The following B3GLCT variants were observed in gnomAD, a reference collection of about 807,000 sequenced individuals.
B3GLCT encodes the protein beta 3-glucosyltransferase.
Under a neutral mutation model 63.4 loss-of-function variants are expected in B3GLCT, and 65 were observed. That is an observed-to-expected ratio of 1.03 (90% CI 0.84 to 1.26). B3GLCT has a LOEUF of 1.26. B3GLCT is among the 50% of genes most tolerant of loss of function. The probability of loss-of-function intolerance (pLI) is 0.00; values close to 1 mark genes in which losing one functional copy is unlikely to be tolerated. For synonymous variants in B3GLCT, 233 were observed against 219.2 expected (o/e 1.06, Z -0.55); for missense variants, 577 against 604.8 (o/e 0.95, Z 0.48).
chr13:31,252,724 T>C (rs890332456), intron 6 of B3GLCT, among the ~76,000 whole-genome samples: 2 of 142,266 alleles, frequency 1.4e-5, no homozygotes, highest in Admixed American at 6.9e-5. Flanking sequence ...AGCAAGCTCT[T>C]AGAGACCTAC....
intron 1 of B3GLCT, among the ~76,000 whole-genome samples, chr13:31,213,018 T>TTGTG (rs547776947): frequency 3.1e-4 from 43 of 140,728 alleles, no homozygotes; most frequent in African/African-American, 1.0e-3. Flanking sequence ...TGATTGGGCT[T>TTGTG]TGTGTGTGTG....
At chr13:31,301,719 G>C (rs1238301483) in intron 12 of B3GLCT, among the ~76,000 whole-genome samples, 2 of 152,126 alleles carry the variant, frequency 1.3e-5, no homozygotes, top group African/African-American at 4.8e-5. Context: ...TTATAGATGG[G>C]GTTTCTCATT....
At chr13:31,256,473 A>G (rs1006171740) in intron 6 of B3GLCT, among the ~76,000 whole-genome samples, 4 of 152,216 alleles carry the variant, frequency 2.6e-5, no homozygotes, top group African/African-American at 7.2e-5. Flanking sequence ...ACATGCACAC[A>G]TATGTTTATT....
At chr13:31,253,655 A>G (rs186096304) in intron 6 of B3GLCT, among the ~76,000 whole-genome samples, 147 of 150,264 alleles carry the variant, frequency 9.8e-4, no homozygotes, top group Non-Finnish European at 1.8e-3. Flanking sequence ...TTCAAAAGCT[A>G]ACAGAAGGCA....
chr13:31,243,989 G>C (rs752130094), intron 4 of B3GLCT, among the ~76,000 whole-genome samples: 1 of 151,984 alleles, frequency 6.6e-6, no homozygotes, highest in Non-Finnish European at 1.5e-5. Context: ...TCTCATTATC[G>C]AGAGAATTTT....
At chr13:31,265,327 C>G (rs1403211549) in intron 7 of B3GLCT, among the ~76,000 whole-genome samples, 1 of 152,082 alleles carries the variant, frequency 6.6e-6, no homozygotes, top group African/African-American at 2.4e-5. Context: ...TTAATCAAAA[C>G]CAGAATTTGT....
At chr13:31,220,286 T>C (rs1343343351) in intron 2 of B3GLCT, among the ~76,000 whole-genome samples, 1 of 152,244 alleles carries the variant, frequency 6.6e-6, no homozygotes, top group East Asian at 1.9e-4. Context: ...GCAAGTGTTG[T>C]TCAAATCTTT....
intron 6 of B3GLCT, among the ~76,000 whole-genome samples, chr13:31,249,070 C>T (rs1166768053): frequency 6.6e-6 from 1 of 152,132 alleles, no homozygotes; most frequent in Non-Finnish European, 1.5e-5. Context: ...TTCGAATGCT[C>T]GCTCCTGAGA....
chr13:31,269,800 T>C (rs1160729303), intron 8 of B3GLCT, among the ~76,000 whole-genome samples: 2 of 152,184 alleles, frequency 1.3e-5, no homozygotes, highest in Non-Finnish European at 2.9e-5. Flanking sequence ...CTTTCTGCCA[T>C]GTGAGGATAC....
rs1060709 is a variant in B3GLCT, at chr13:31,329,697, G to T, written c.*29G>T. ...AGGGTGACCTGTGCGCCTAGCCTGC[G>T]CAGGGAATGAACTGGAGACTGTGGC... On this transcript the variant is annotated 3_prime_UTR_variant, in exon 15 of 15. Transcript: ENST00000343307. The T allele has an allele frequency of 0.69, 1,110,354 of 1,611,320 alleles. 394,469 individuals carry two copies. The highest frequency in any genetic ancestry group is 0.74 in the Non-Finnish European group (870,097 of 1,178,288).
At chr13:31,286,699 T>G (rs761243222) in intron 11 of B3GLCT, 21 bp from the exon 12 acceptor site, 2 of 1,483,692 alleles carry the variant, frequency 1.3e-6, no homozygotes, top group East Asian at 4.5e-5. Context: ...ACATTGTAAG[T>G]TTTTTTCTTG....
chr13:31,301,357 G>A (rs1184226787), intron 12 of B3GLCT, among the ~76,000 whole-genome samples: 2 of 152,144 alleles, frequency 1.3e-5, no homozygotes, highest in East Asian at 1.9e-4. Context: ...GTCTTAACTG[G>A]TTCCAATTTT....
In B3GLCT at chr13:31,284,755, G is replaced by A. The variant is rs1374646796; in HGVS notation, c.958G>A (p.Asp320Asn). 6 of 1,492,144 alleles carry A rather than the reference G, an allele frequency of 4.0e-6. No individual in the cohort carries two copies. In the African/African-American group the frequency reaches 8.3e-5, roughly 21 times the overall value. The allele number at this position is 1,492,144 out of a possible 1,614,324, so 92.4% of individuals were successfully genotyped here. ...TGTGGATTTGGGAATTCCTAATACAGATAGAGGTGAGTCATAATTCTTACT... is the reference window on the plus strand; with the variant it reads ...TGTGGATTTGGGAATTCCTAATACAAATAGAGGTGAGTCATAATTCTTACT... Reference protein sequence around the residue: ...PTVDLGIPNTDRGHCGKTFAI... With the variant: ...PTVDLGIPNTNRGHCGKTFAI... Residue 320 changes from aspartate (D) to asparagine (N), a missense_variant, in exon 11 of 15, where the codon GAT becomes AAT. Asp to Asn is a conservative substitution (Grantham distance 23). Coordinates refer to ENST00000343307, the MANE Select transcript of B3GLCT (RefSeq NM_194318.4).
In B3GLCT at chr13:31,200,156, T is replaced by C. The variant is rs955015386; in HGVS notation, c.70+2T>C. 1.9e-5 allele frequency: 25 copies of C among 1,333,014 alleles called. No individual in the cohort carries two copies. Among genetic ancestry groups the C allele is most frequent in the Non-Finnish European group, 1.9e-5 (20 of 1,031,028 alleles). The allele number at this position is 1,333,014 out of a possible 1,614,324, so 82.6% of individuals were successfully genotyped here. On this transcript the variant is annotated splice_donor_variant, in intron 1 of 14. Transcript: ENST00000343307. LOFTEE classifies it high-confidence loss of function. ...TCGCGCTCCTCACCTGCTCCCTGGG[T>C]AAGTAGCGGGCGGCCAGGCGCGCAA...
intron 12 of B3GLCT, among the ~76,000 whole-genome samples, chr13:31,308,556 T>C (rs1248597202): frequency 6.6e-6 from 1 of 152,080 alleles, no homozygotes; most frequent in Admixed American, 6.5e-5. Context: ...CTGGATTATG[T>C]ACACCCATGT....
At chr13:31,286,625 G>A (rs1303381102) in intron 11 of B3GLCT, 95 bp from the exon 12 acceptor site, 5 of 853,344 alleles carry the variant, frequency 5.9e-6, no homozygotes, top group Admixed American at 5.2e-5. Flanking sequence ...TGGCATGTAA[G>A]CTCTTAGAAC....
At chr13:31,200,246 AG>A in intron 1 of B3GLCT, 92 bp downstream of exon 1, 2 of 767,006 alleles carry the variant, frequency 2.6e-6, no homozygotes, top group East Asian at 8.0e-5. Context: ...AGGGAGGCGC[AG>A]GGCGGCCCAG....
intron 1 of B3GLCT, among the ~76,000 whole-genome samples, chr13:31,206,939 G>A (rs1219069359): frequency 1.3e-5 from 2 of 152,174 alleles, no homozygotes; most frequent in East Asian, 3.8e-4. Flanking sequence ...TTTAAATGCT[G>A]CTGAGGAGAC....
chr13:31,226,187 G>C (rs1198146618), intron 3 of B3GLCT, among the ~76,000 whole-genome samples: 1 of 152,164 alleles, frequency 6.6e-6, no homozygotes, highest in Non-Finnish European at 1.5e-5. Context: ...TGCTCAGTTA[G>C]CTCTGGCTTT....
Sources: allele counts gnomAD v4.1 joint callset (sites outside exome capture counted in the v4.1 genomes callset), GRCh38; gene constraint gnomAD v4.1.1; transcripts MANE v1.5; gene names NCBI Gene and HGNC (gene_info 2026-07-23, HGNC 2026-07-21).